The following LDB2 variants were observed in gnomAD, a reference collection of about 807,000 sequenced individuals.
The protein encoded by LDB2 is LIM domain binding 2, also known as LIM domain-binding protein 2.
LDB2 carries 12 observed loss-of-function variants against 44.3 expected under a neutral mutation model. The ratio of observed to expected loss-of-function variants is 0.27; its 90% CI spans 0.17 to 0.44. The LOEUF (loss-of-function observed/expected upper bound fraction) is 0.44. LDB2 is among the 20% of genes least tolerant of loss of function. The probability of loss-of-function intolerance (pLI) is 1.00; values close to 1 mark genes in which losing one functional copy is unlikely to be tolerated. For missense variants in LDB2, 344 were observed against 473.5 expected (o/e 0.73, Z 2.54); for synonymous variants, 164 against 174.8 (o/e 0.94, Z 0.49).
At chr4:16,752,363 GAT>G (rs1482799667) in intron 2 of LDB2, 1 of 446,774 alleles carries the variant, frequency 2.2e-6, no homozygotes, top group Non-Finnish European at 4.5e-6. Context: ...CTGTTGGACA[GAT>G]GTGGTAATTG....
chr4:16,868,570 C>T (rs1428010551), intron 1 of LDB2, among the ~76,000 whole-genome samples: 1 of 152,192 alleles, frequency 6.6e-6, no homozygotes, highest in African/African-American at 2.4e-5. Context: ...AATATTCACT[C>T]AGGCAGATGG....
rs1281398976 is a variant in LDB2, at chr4:16,719,497, C to T, written c.235+39661G>A. ...GCATCAAAAATCACTTGAAAATATTCGTCATGGTCCATTGTTCTTCCCATT... is the reference window on the plus strand; with the variant it reads ...GCATCAAAAATCACTTGAAAATATTTGTCATGGTCCATTGTTCTTCCCATT... On this transcript the variant is annotated intron_variant, in intron 2 of 7. Transcript: ENST00000304523. Among the ~76,000 whole-genome samples, 3 of 152,148 alleles carry T rather than the reference C, an allele frequency of 2.0e-5. No individual in the cohort carries two copies. The East Asian group carries it at 5.8e-4, about 29-fold the overall frequency.
intron 1 of LDB2, among the ~76,000 whole-genome samples, chr4:16,818,560 G>C (rs896187420): frequency 6.6e-6 from 1 of 152,142 alleles, no homozygotes; most frequent in African/African-American, 2.4e-5. Flanking sequence ...AAGTAAAATA[G>C]AAGAACGTGA....
chr4:16,609,450 A>G (rs1194752366), intron 2 of LDB2, among the ~76,000 whole-genome samples: 1 of 152,038 alleles, frequency 6.6e-6, no homozygotes, highest in Non-Finnish European at 1.5e-5. Flanking sequence ...ACAGCTGCCT[A>G]AGCTCCCTAG....
At chr4:16,787,361 C>A (rs148161920) in intron 1 of LDB2, among the ~76,000 whole-genome samples, 1,545 of 152,188 alleles carry the variant, frequency 0.01, 16 homozygotes, top group Middle Eastern at 0.034. Context: ...TCCTGTAATC[C>A]CAGCATTTTG....
At chr4:16,831,336 A>G (rs1784049990) in intron 1 of LDB2, among the ~76,000 whole-genome samples, 1 of 152,154 alleles carries the variant, frequency 6.6e-6, no homozygotes, top group Admixed American at 6.5e-5. Flanking sequence ...CGGGTCACAT[A>G]GATCTCACAG....
chr4:16,600,302 C>A (rs1471804602), intron 2 of LDB2, among the ~76,000 whole-genome samples: 1 of 152,136 alleles, frequency 6.6e-6, no homozygotes, highest in East Asian at 1.9e-4. Context: ...ATACATAAAT[C>A]TACATTGTGC....
chr4:16,753,760 G>T (rs1404734951), intron 2 of LDB2, among the ~76,000 whole-genome samples: 2 of 152,158 alleles, frequency 1.3e-5, no homozygotes, highest in African/African-American at 2.4e-5. Context: ...TAACAAATGT[G>T]TGATAGAGAA....
intron 5 of LDB2, among the ~76,000 whole-genome samples, chr4:16,577,552 T>C (rs2152411571): frequency 6.6e-6 from 1 of 152,224 alleles, no homozygotes; most frequent in South Asian, 2.1e-4. Context: ...TACAATGTAT[T>C]GACGAAAGAA....
intron 2 of LDB2, among the ~76,000 whole-genome samples, chr4:16,718,060 A>G (rs1028076059): frequency 6.6e-6 from 1 of 152,140 alleles, no homozygotes; most frequent in African/African-American, 2.4e-5. Context: ...GAAATTAATA[A>G]AAGATATCCA....
chr4:16,736,754 T>C (rs1761983206), intron 2 of LDB2, among the ~76,000 whole-genome samples: 1 of 152,224 alleles, frequency 6.6e-6, no homozygotes, highest in African/African-American at 2.4e-5. Flanking sequence ...AGAATTTGAC[T>C]TCTTTTGTTT....
At chr4:16,677,892 T>C (rs1270808429) in intron 2 of LDB2, among the ~76,000 whole-genome samples, 9 of 152,236 alleles carry the variant, frequency 5.9e-5, no homozygotes, top group Non-Finnish European at 1.0e-4. Context: ...AGGCCTATTT[T>C]TGCCAAATTT....
chr4:16,578,352 C>T (rs1015657726), intron 5 of LDB2, among the ~76,000 whole-genome samples: 9 of 152,044 alleles, frequency 5.9e-5, no homozygotes, highest in African/African-American at 2.2e-4. Flanking sequence ...TCAAAAAACT[C>T]TACAGGAAAA....
chr4:16,530,438 G>C (rs1729757284), intron 5 of LDB2, among the ~76,000 whole-genome samples: 1 of 152,182 alleles, frequency 6.6e-6, no homozygotes, highest in Admixed American at 6.5e-5. Flanking sequence ...TTCCAATGCT[G>C]TTATGTATGG....
intron 7 of LDB2, 58 bp downstream of exon 7, chr4:16,508,477 C>A: frequency 7.2e-7 from 1 of 1,381,156 alleles, no homozygotes. Flanking sequence ...TAATTTGGGC[C>A]CTTTGAGTAG....
At chr4:16,667,650 G>C (rs1743650665) in intron 2 of LDB2, among the ~76,000 whole-genome samples, 1 of 152,210 alleles carries the variant, frequency 6.6e-6, no homozygotes, top group South Asian at 2.1e-4. Context: ...CTGACTCATG[G>C]ATGGCAATAG....
chr4:16,664,709 T>C (rs1027784), intron 2 of LDB2, among the ~76,000 whole-genome samples: 92,357 of 152,118 alleles, frequency 0.61, 28,195 homozygotes, highest in Middle Eastern at 0.69. Flanking sequence ...AGGCATAAAA[T>C]AATGGATCAA....
intron 2 of LDB2, among the ~76,000 whole-genome samples, chr4:16,742,554 G>A (rs918961372): frequency 6.6e-6 from 1 of 152,150 alleles, no homozygotes; most frequent in Non-Finnish European, 1.5e-5. Flanking sequence ...AGAAATGGTG[G>A]AGAAGAAAGA....
chr4:16,666,239 G>A (rs1449358713), intron 2 of LDB2, among the ~76,000 whole-genome samples: 1 of 152,162 alleles, frequency 6.6e-6, no homozygotes, highest in Non-Finnish European at 1.5e-5. Flanking sequence ...TGCTGTGCAG[G>A]TTACAGGTGT....
Sources: allele counts gnomAD v4.1 joint callset (sites outside exome capture counted in the v4.1 genomes callset), GRCh38; gene constraint gnomAD v4.1.1; transcripts MANE v1.5; gene names NCBI Gene and HGNC (gene_info 2026-07-23, HGNC 2026-07-21).